Variants in PPP1R37 observed in about 807,000 individuals in gnomAD.
PPP1R37 encodes leucine rich repeat containing 68.
In PPP1R37, 21 loss-of-function variants were observed where a neutral mutation model predicts 61.0. The observed-to-expected ratio is 0.34, with a 90% CI of 0.24 to 0.50. The LOEUF is 0.50. PPP1R37 is among the 20% of genes least tolerant of loss of function. PPP1R37 has a pLI of 0.98. For synonymous variants in PPP1R37, 443 were observed against 433.5 expected, an observed-to-expected ratio of 1.02 and a Z score of -0.27; for missense variants, 910 against 952.7, an observed-to-expected ratio of 0.96 and a Z score of 0.59.
At chr19:45,128,210 A>G (rs954842526) in intron 1 of PPP1R37, among the ~76,000 whole-genome samples, 3 of 152,172 alleles carry the variant, frequency 2.0e-5, no homozygotes, top group African/African-American at 4.8e-5. Context: ...AGTTTATTGT[A>G]TGTCCTTCTG....
intron 1 of PPP1R37, among the ~76,000 whole-genome samples, chr19:45,120,087 C>G (rs559908360): frequency 6.9e-6 from 1 of 145,976 alleles, no homozygotes; most frequent in South Asian, 2.2e-4. Flanking sequence ...GCGCGATCTC[C>G]GCTCACTGCA....
rs1474298743 is a variant in PPP1R37, at chr19:45,145,488, ACCG to A, written c.1435_1437del (p.Ala479del). ...GCTGTCGGCCTCCATGCCTGAGACC[ACCG>A]CCACCGAGCCCCAGCCCGACGACGA... On this transcript the variant is annotated inframe_deletion, in exon 11 of 13. Coordinates refer to ENST00000221462, the MANE Select transcript of PPP1R37 (RefSeq NM_019121.2). The A allele has an allele frequency of 6.5e-7, 1 of 1,534,234 alleles. No individual in the cohort carries two copies. The highest frequency in any genetic ancestry group is 2.0e-5 in the Admixed American group (1 of 50,928).
rs1473089767 is a variant in PPP1R37, at chr19:45,142,306, C to T, written c.722C>T (p.Thr241Met). The change falls in exon 7 of 13, where the codon ACG becomes ATG. Residue 241 changes from threonine (T) to methionine (M), a missense_variant. This residue lies in a region of PPP1R37 where 280 missense variants were observed against 382.2 expected (regional missense o/e 0.73). Coordinates refer to ENST00000221462, the MANE Select transcript of PPP1R37 (RefSeq NM_019121.2). Reference sequence around the variant, plus strand: ...CGTGCCCCCTCCCCGTCCCCAGCCACGGCCCTGAAGATGAACATGAACCTG... The same window carrying T: ...CGTGCCCCCTCCCCGTCCCCAGCCATGGCCCTGAAGATGAACATGAACCTG... ...LSGRPLMLLATALKMNMNLRE... is the reference protein window; with the variant it reads ...LSGRPLMLLAMALKMNMNLRE... The T allele has an allele frequency of 1.3e-5, 20 of 1,535,984 alleles. No individual in the cohort carries two copies. The highest frequency in any genetic ancestry group is 6.8e-5 in the African/African-American group (5 of 73,186).
rs1321440540 is a variant in PPP1R37, at chr19:45,142,150, C to T, written c.657C>T (p.Ser219=). 6.5e-7 allele frequency: 1 copy of T among 1,535,292 alleles called. No individual in the cohort carries two copies. Among genetic ancestry groups the T allele is most frequent in the Non-Finnish European group, 8.7e-7 (1 of 1,146,514 alleles). ...TGGCCCGTGCCCTGCGCATCCGCAG[C>T]AGCCTGGCAGTGCTGCACTTGGAGA... ...PFVARALRIR[S]SLAVLHLENA... is the part of the protein sequence containing the mutation. Residue 219 remains serine, a synonymous_variant, in exon 6 of 13, where the codon AGC becomes AGT. Coordinates refer to ENST00000221462, the MANE Select transcript of PPP1R37 (RefSeq NM_019121.2).
intron 1 of PPP1R37, among the ~76,000 whole-genome samples, chr19:45,125,443 C>T (rs752305034): frequency 4.3e-4 from 65 of 152,160 alleles, no homozygotes; most frequent in Non-Finnish European, 2.2e-4. Context: ...AGCCTGGCGA[C>T]AGCGAGACTC....
rs977072315 is a variant in PPP1R37, at chr19:45,142,210, C to T, written c.717C>T (p.Leu239=). ...ASLSGRPLML[L]ATALKMNMNL... ...TGTCGGGGCGGCCCCTCATGCTGCT[C>T]GGTGAGCCCCAAGCCCGGGAGGGTG... Residue 239 remains leucine, a splice_region_variant and synonymous_variant, in exon 6 of 13, where the codon CTC becomes CTT. Transcript: ENST00000221462. 1.8e-5 allele frequency: 28 copies of T among 1,533,630 alleles called. No homozygotes were observed. The highest frequency in any genetic ancestry group is 1.7e-4 in the Middle Eastern group (1 of 6,002).
chr19:45,128,992 CAGA>C, intron 1 of PPP1R37: 1 of 827,618 alleles, frequency 1.2e-6, no homozygotes, highest in Non-Finnish European at 2.0e-6. Context: ...TCTGCCATGA[CAGA>C]GGAGGCAGCT....
intron 1 of PPP1R37, among the ~76,000 whole-genome samples, chr19:45,106,004 A>G (rs533653396): frequency 6.6e-6 from 1 of 152,332 alleles, no homozygotes; most frequent in South Asian, 2.1e-4. Flanking sequence ...GGGGTGGAGC[A>G]GACACCAACA....
intron 1 of PPP1R37, among the ~76,000 whole-genome samples, chr19:45,095,427 G>A (rs1967979920): frequency 6.6e-6 from 1 of 151,866 alleles, no homozygotes; most frequent in Non-Finnish European, 1.5e-5. Context: ...ATGAGCCACC[G>A]TGCCCGGCTG....
At chr19:45,132,619 A>G (rs1214686521) in intron 1 of PPP1R37, among the ~76,000 whole-genome samples, 1 of 152,096 alleles carries the variant, frequency 6.6e-6, no homozygotes, top group Non-Finnish European at 1.5e-5. Context: ...AATTTTTGGC[A>G]GAGATGGTAT....
intron 1 of PPP1R37, among the ~76,000 whole-genome samples, chr19:45,127,974 CAA>C (rs35001139): frequency 3.6e-4 from 22 of 61,846 alleles, no homozygotes; most frequent in African/African-American, 4.0e-4. Context: ...GACTCCATCT[CAA>C]AAAAAAAAAA....
intron 2 of PPP1R37, 143 bp downstream of exon 2, chr19:45,138,754 A>G (rs1968569922): frequency 5.2e-6 from 3 of 574,724 alleles, no homozygotes; most frequent in Admixed American, 3.0e-5. Flanking sequence ...GCTCAGCTAG[A>G]GAATGAATCA....
At chr19:45,111,836 C>T (rs1313550618) in intron 1 of PPP1R37, among the ~76,000 whole-genome samples, 1 of 152,016 alleles carries the variant, frequency 6.6e-6, no homozygotes, top group African/African-American at 2.4e-5. Context: ...GGGAAAGGGT[C>T]ATCAGGTGGC....
rs981763759 is a variant in PPP1R37 at position 45,145,701 on chromosome 19, C to T, written c.1645C>T (p.Pro549Ser). 13 of 1,534,458 alleles carry T rather than the reference C, an allele frequency of 8.5e-6. No homozygotes were observed. The highest frequency in any genetic ancestry group is 1.7e-4 in the Middle Eastern group (1 of 5,968). The change falls in exon 11 of 13, where the codon CCC becomes TCC. Residue 549 changes from proline (P) to serine (S), a missense_variant. Pro to Ser is a moderately conservative substitution (Grantham distance 74). Transcript: ENST00000221462. Reference protein sequence around the residue: ...GPGDRSPPGSPSTPTEQRISV... With the variant: ...GPGDRSPPGSSSTPTEQRISV... ...TGGGGACAGGAGTCCCCCAGGCAGC[C>T]CCTCCACACCCACCGAGCAGCGGAT... is the stretch of plus-strand genomic sequence containing the variant.
intron 1 of PPP1R37, among the ~76,000 whole-genome samples, chr19:45,138,030 G>A (rs1394202749): frequency 3.9e-5 from 6 of 152,072 alleles, no homozygotes; most frequent in African/African-American, 7.2e-5. Context: ...TCTGCTGCTC[G>A]GGAGGATGCT....
At chr19:45,133,065 C>G (rs1968498104) in intron 1 of PPP1R37, among the ~76,000 whole-genome samples, 1 of 152,110 alleles carries the variant, frequency 6.6e-6, no homozygotes, top group Non-Finnish European at 1.5e-5. Flanking sequence ...CAGTCTCGCC[C>G]CAGAACTCAT....
At position 45,146,693 on chromosome 19, in the gene PPP1R37, C is replaced by T. The variant is rs1371765017; in HGVS notation, c.*131C>T. ...TGGGGGCCATTCTGGGGCCCCCCTC[C>T]CCCCACAGCAACACTACAAGGGGTG... On this transcript the variant is annotated 3_prime_UTR_variant, in exon 13 of 13. Coordinates refer to ENST00000221462, the MANE Select transcript of PPP1R37 (RefSeq NM_019121.2). The T allele has an allele frequency of 7.6e-6, 4 of 527,698 alleles. No homozygotes were observed. Among genetic ancestry groups the T allele is most frequent in the Non-Finnish European group, 1.4e-5 (4 of 290,406 alleles). The allele number at this position is 527,698 out of a possible 1,614,324, so 32.7% of individuals were successfully genotyped here.
rs115261972 is a variant in PPP1R37, at chr19:45,103,132, G to A, written c.202+9605G>A. 9.0e-3 allele frequency among the ~76,000 whole-genome samples: 1,376 copies of A among 152,308 alleles called. 29 individuals are homozygous for A. The highest frequency in any genetic ancestry group is 0.031 in the African/African-American group (1,268 of 41,556). ...CACCCTCCATGGTGCCTGGCCCTCC[G>A]CAGGGTCTCACACTGGATGAATTGG... is the stretch of plus-strand genomic sequence containing the variant. On this transcript the variant is annotated intron_variant, in intron 1 of 12. Transcript: ENST00000221462.
chr19:45,143,808 C>T, intron 8 of PPP1R37, 175 bp downstream of exon 8: 1 of 517,866 alleles, frequency 1.9e-6, no homozygotes, highest in South Asian at 2.5e-5. Flanking sequence ...CCTGTTTTCC[C>T]TGAGGAGGAG....
Sources: allele counts gnomAD v4.1 joint callset (sites outside exome capture counted in the v4.1 genomes callset), GRCh38; gene constraint gnomAD v4.1.1; regional missense constraint gnomAD v4.1.1; transcripts MANE v1.5; gene names NCBI Gene and HGNC (gene_info 2026-07-23, HGNC 2026-07-21).